The following SDK1 variants were observed in gnomAD, a reference collection of about 807,000 sequenced individuals.
The protein encoded by SDK1 is protein sidekick-1.
SDK1 carries 157 observed loss-of-function variants against 245.5 expected under a neutral mutation model. That is an observed-to-expected ratio of 0.64 (90% confidence interval 0.56 to 0.73). The LOEUF is 0.73. Among genes scored for constraint, SDK1 ranks in the 30% least tolerant of loss-of-function variants. The pLI is 0.00. For missense variants in SDK1, 3,583 were observed against 3,002.3 expected (o/e 1.19, Z -4.52); for synonymous variants, 1,647 against 1,278.5 (o/e 1.29, Z -6.15).
At chr7:3,771,844 C>G (rs576987594) in intron 4 of SDK1, among the ~76,000 whole-genome samples, 5 of 152,136 alleles carry the variant, frequency 3.3e-5, no homozygotes, top group Non-Finnish European at 5.9e-5. Context: ...ACCATCACCC[C>G]CCATCCATCT....
At chr7:4,181,264 A>G (rs116693480) in intron 35 of SDK1, among the ~76,000 whole-genome samples, 23 of 152,338 alleles carry the variant, frequency 1.5e-4, no homozygotes, top group African/African-American at 5.5e-4. Context: ...GTTGTAGCAG[A>G]TGTCGGAATT....
At chr7:3,619,587 G>C (rs1781871693) in intron 2 of SDK1, among the ~76,000 whole-genome samples, 1 of 152,184 alleles carries the variant, frequency 6.6e-6, no homozygotes, top group African/African-American at 2.4e-5. Context: ...CTCCTGTCTA[G>C]GCACAAATGT....
In SDK1 at chr7:3,809,402, A is replaced by G. The variant is rs1350428110; in HGVS notation, c.714-12048A>G. Among the ~76,000 whole-genome samples the G allele has an allele frequency of 2.0e-5, 3 of 152,282 alleles. No homozygotes were observed. The East Asian group carries it at 5.8e-4, about 30-fold the overall frequency. On this transcript the variant is annotated intron_variant, in intron 4 of 44. Coordinates refer to ENST00000404826, the MANE Select transcript of SDK1 (RefSeq NM_152744.4). ...GTTCAACATGAGATTTGGATGGAAC[A>G]CAGATCCAGACCGTATCCCTGAGAT...
chr7:3,718,111 A>G (rs1562393031), intron 4 of SDK1, among the ~76,000 whole-genome samples: 1 of 152,224 alleles, frequency 6.6e-6, no homozygotes. Flanking sequence ...GGCTGGCTTC[A>G]TATTTGAAAA....
chr7:4,016,571 C>G lies in SDK1; in HGVS notation c.2421-600C>G, dbSNP rs573508011. Among the ~76,000 whole-genome samples, 264 of 152,316 alleles carry G rather than the reference C, an allele frequency of 1.7e-3. 1 individual carries two copies. Among genetic ancestry groups the G allele is most frequent in the Middle Eastern group, 0.014 (4 of 294 alleles). On this transcript the variant is annotated intron_variant, in intron 16 of 44. Transcript: ENST00000404826. The stretch of plus-strand genomic sequence containing the variant: ...CATAAACACTACTTTAAATTTCCAC[C>G]TTTAGTATGCTAAGAACATAGTACC...
intron 4 of SDK1, among the ~76,000 whole-genome samples, chr7:3,734,075 C>G (rs1240749266): frequency 6.6e-6 from 1 of 152,192 alleles, no homozygotes; most frequent in African/African-American, 2.4e-5. Context: ...CTTTCCTTGC[C>G]CAGGCTCCCC....
chr7:3,559,349 A>G (rs1779679469), intron 1 of SDK1, among the ~76,000 whole-genome samples: 1 of 152,142 alleles, frequency 6.6e-6, no homozygotes, highest in Non-Finnish European at 1.5e-5. Context: ...GTCCGCGGTT[A>G]TGCAGCATGG....
intron 1 of SDK1, among the ~76,000 whole-genome samples, chr7:3,405,474 A>G (rs1479740971): frequency 1.3e-5 from 2 of 152,198 alleles, no homozygotes; most frequent in Non-Finnish European, 2.9e-5. Flanking sequence ...ATTTGAATGT[A>G]TATGCTTTTA....
Position 4,208,082 on chromosome 7 carries a change from C to T in SDK1, c.5215-17C>T. On this transcript the variant is annotated splice_polypyrimidine_tract_variant and intron_variant, in intron 36 of 44. Coordinates refer to ENST00000404826, the MANE Select transcript of SDK1 (RefSeq NM_152744.4). ...GCTTCCCCAGGACCCACCCCAACCT[C>T]TTGCTGTTCCTAACAGATTTACTAC... is the stretch of plus-strand genomic sequence containing the variant. 1 of 1,601,924 alleles carries T rather than the reference C, an allele frequency of 6.2e-7. No homozygotes were observed. The highest frequency in any genetic ancestry group is 1.1e-5 in the South Asian group (1 of 89,680).
At chr7:3,689,854 C>T (rs1014317380) in intron 4 of SDK1, among the ~76,000 whole-genome samples, 1 of 152,172 alleles carries the variant, frequency 6.6e-6, no homozygotes, top group African/African-American at 2.4e-5. Context: ...TGCCAAATTA[C>T]CTTTTGCAAA....
intron 5 of SDK1, among the ~76,000 whole-genome samples, chr7:3,890,288 G>A (rs1273968957): frequency 6.6e-6 from 1 of 152,188 alleles, no homozygotes; most frequent in East Asian, 1.9e-4. Flanking sequence ...CTTACAATGT[G>A]GTACAATCCA....
chr7:4,174,806 C>T (rs932107577), intron 33 of SDK1, among the ~76,000 whole-genome samples: 1 of 152,112 alleles, frequency 6.6e-6, no homozygotes, highest in Non-Finnish European at 1.5e-5. Context: ...CTGCACTGCG[C>T]CATGATCGTT....
intron 22 of SDK1, among the ~76,000 whole-genome samples, chr7:4,084,747 ATATTTTATTTTATTT>A (rs200662101): frequency 6.7e-6 from 1 of 149,476 alleles, no homozygotes; most frequent in Admixed American, 6.6e-5. Context: ...ACTTAAATGT[ATATTTTATTTTATTT>A]TATTTTATTT....
intron 5 of SDK1, among the ~76,000 whole-genome samples, chr7:3,887,253 T>A (rs1399712096): frequency 6.6e-6 from 1 of 152,166 alleles, no homozygotes; most frequent in Non-Finnish European, 1.5e-5. Flanking sequence ...ACTGGAGACT[T>A]GTGCTTGGAC....
intron 22 of SDK1, among the ~76,000 whole-genome samples, chr7:4,102,980 G>A (rs561110469): frequency 3.3e-3 from 448 of 136,638 alleles, no homozygotes; most frequent in Non-Finnish European, 5.7e-3. Flanking sequence ...AAAAAAAGCC[G>A]TTCAAAATCC....
chr7:3,960,739 G>T (rs1781611054), intron 8 of SDK1, among the ~76,000 whole-genome samples: 1 of 152,160 alleles, frequency 6.6e-6, no homozygotes, highest in African/African-American at 2.4e-5. Context: ...TACTGATTCG[G>T]CATAGGGGAG....
Position 4,049,360 on chromosome 7 carries a change from C to T in SDK1, c.2615C>T (p.Pro872Leu), listed in dbSNP as rs746412270. 3.1e-6 allele frequency: 5 copies of T among 1,613,942 alleles called. No individual in the cohort carries two copies. Among genetic ancestry groups the T allele is most frequent in the Non-Finnish European group, 4.2e-6 (5 of 1,180,014 alleles). Residue 872 changes from proline to leucine, a missense_variant, in exon 18 of 45, where the codon CCC becomes CTC. Physicochemically the swap from Pro to Leu is moderately conservative, Grantham distance 98. Coordinates refer to ENST00000404826, the MANE Select transcript of SDK1 (RefSeq NM_152744.4). ...EYTLQGVPTA[P>L]PQNVQTEAVN... Reference sequence around the variant, plus strand: ...TGCCCTGCCACAGTGCCCACCGCGCCCCCGCAGAACGTGCAGACGGAAGCC... The same window carrying T: ...TGCCCTGCCACAGTGCCCACCGCGCTCCCGCAGAACGTGCAGACGGAAGCC...
chr7:3,637,779 T>C (rs1782511032), intron 2 of SDK1, among the ~76,000 whole-genome samples: 1 of 152,258 alleles, frequency 6.6e-6, no homozygotes. Flanking sequence ...GAAAAAGTTT[T>C]TAAAGTTAAC....
At chr7:3,614,107 C>A (rs1026372577) in intron 1 of SDK1, among the ~76,000 whole-genome samples, 5 of 152,134 alleles carry the variant, frequency 3.3e-5, no homozygotes, top group South Asian at 2.1e-4. Flanking sequence ...ACCTGCACAT[C>A]CTGCTGAACC....
Sources: allele counts gnomAD v4.1 joint callset (sites outside exome capture counted in the v4.1 genomes callset), GRCh38; gene constraint gnomAD v4.1.1; transcripts MANE v1.5; gene names NCBI Gene and HGNC (gene_info 2026-07-23, HGNC 2026-07-21).